The following LRBA variants were observed in gnomAD, a reference collection of about 807,000 sequenced individuals.
LRBA encodes the protein lipopolysaccharide-responsive and beige-like anchor protein.
LRBA carries 176 observed loss-of-function variants against 330.0 expected under a neutral mutation model. The ratio of observed to expected loss-of-function variants is 0.53; its 90% CI spans 0.47 to 0.60. LRBA has a LOEUF of 0.60. LRBA is among the 20% of genes least tolerant of loss of function. The pLI, the probability that LRBA is intolerant of heterozygous loss-of-function variation, is 0.00. For missense variants in LRBA, 3,259 were observed against 3,444.8 expected, an observed-to-expected ratio of 0.95 and a Z score of 1.35; for synonymous variants, 1,230 against 1,193.0, an observed-to-expected ratio of 1.03 and a Z score of -0.64.
At chr4:150,873,140 A>G (rs1753626998) in intron 17 of LRBA, among the ~76,000 whole-genome samples, 1 of 152,208 alleles carries the variant, frequency 6.6e-6, no homozygotes, top group Admixed American at 6.5e-5. Context: ...TAAATTTCTA[A>G]ATAATTGTCG....
At chr4:150,561,895 A>C (rs1002237276) in intron 40 of LRBA, among the ~76,000 whole-genome samples, 4 of 152,176 alleles carry the variant, frequency 2.6e-5, no homozygotes, top group African/African-American at 7.2e-5. Flanking sequence ...ACCAATCCCT[A>C]CCTCCAAGCA....
intron 31 of LRBA, 142 bp downstream of exon 31, chr4:150,816,982 C>G (rs1049489296): frequency 3.0e-6 from 2 of 661,868 alleles, no homozygotes; most frequent in Middle Eastern, 3.6e-4. Context: ...CAAATTTATT[C>G]AGAAAAGTAG....
At chr4:150,283,908 C>T (rs562892910) in intron 54 of LRBA, among the ~76,000 whole-genome samples, 54 of 152,186 alleles carry the variant, frequency 3.5e-4, no homozygotes, top group Non-Finnish European at 7.5e-4. Context: ...ATTCAGTTCC[C>T]ACACAGACAG....
At chr4:150,439,245 C>A (rs1751511657) in intron 44 of LRBA, among the ~76,000 whole-genome samples, 1 of 152,134 alleles carries the variant, frequency 6.6e-6, no homozygotes, top group Admixed American at 6.6e-5. Flanking sequence ...TTTTATTACT[C>A]TCCAAATGAG....
In LRBA at chr4:150,915,645, G is replaced by C. The variant is rs1732499056; in HGVS notation, c.977C>G (p.Ser326Cys). 1.2e-6 allele frequency: 2 copies of C among 1,612,730 alleles called. No homozygotes were observed. Among genetic ancestry groups the C allele is most frequent in the African/African-American group, 2.7e-5 (2 of 74,838 alleles). ...GACAAACCATGTTATCTCTCCATAG[G>C]AAGCCAGCTCACCATTCACATAACA... The part of the protein sequence containing the change: ...LRCYVNGELA[S>C]YGEITWFVNT... Residue 326 changes from serine to cysteine, a missense_variant, in exon 8 of 57, where the codon TCC becomes TGC. Coordinates refer to ENST00000651943, the MANE Select transcript of LRBA (RefSeq NM_001364905.1).
At chr4:150,946,399 T>C (rs1340421375) in intron 2 of LRBA, among the ~76,000 whole-genome samples, 2 of 152,138 alleles carry the variant, frequency 1.3e-5, no homozygotes, top group Non-Finnish European at 2.9e-5. Flanking sequence ...TTTAAAGATA[T>C]TGAAAGTATA....
chr4:150,577,008 A>G (rs1770631364), intron 40 of LRBA, among the ~76,000 whole-genome samples: 1 of 151,926 alleles, frequency 6.6e-6, no homozygotes, highest in African/African-American at 2.4e-5. Flanking sequence ...TTGACCATAT[A>G]AAATTATTAA....
intron 35 of LRBA, among the ~76,000 whole-genome samples, chr4:150,745,692 C>G (rs1582221163): frequency 6.6e-6 from 1 of 151,884 alleles, no homozygotes; most frequent in Non-Finnish European, 1.5e-5. Flanking sequence ...ATTTTTGTAT[C>G]TTTAGTAGAG....
At chr4:150,624,336 A>C (rs1776629534) in intron 37 of LRBA, among the ~76,000 whole-genome samples, 1 of 151,082 alleles carries the variant, frequency 6.6e-6, no homozygotes, top group South Asian at 2.1e-4. Flanking sequence ...ATTGAAACCC[A>C]GGCTGGGCAA....
chr4:150,401,051 T>G (rs562576193), intron 47 of LRBA, among the ~76,000 whole-genome samples: 1 of 152,192 alleles, frequency 6.6e-6, no homozygotes, highest in African/African-American at 2.4e-5. Flanking sequence ...CCAATATGAC[T>G]GGTGTCTTTA....
chr4:150,521,904 T>C (rs1479118849), intron 40 of LRBA, among the ~76,000 whole-genome samples: 1 of 152,184 alleles, frequency 6.6e-6, no homozygotes, highest in Non-Finnish European at 1.5e-5. Flanking sequence ...ATACCTATTG[T>C]TCTATCAGTT....
At chr4:150,919,532 T>C (rs559487182) in intron 5 of LRBA, among the ~76,000 whole-genome samples, 27 of 152,248 alleles carry the variant, frequency 1.8e-4, no homozygotes, top group African/African-American at 5.3e-4. Context: ...AATAACACTA[T>C]TGAGACTTCA....
intron 37 of LRBA, among the ~76,000 whole-genome samples, chr4:150,677,128 C>A (rs960681362): frequency 3.3e-5 from 5 of 151,952 alleles, no homozygotes; most frequent in African/African-American, 1.2e-4. Flanking sequence ...GTTTACCTGA[C>A]CCCCCAACCC....
chr4:150,777,066 T>TTGTTGTTG (rs1553959732), intron 34 of LRBA, among the ~76,000 whole-genome samples: 69 of 134,366 alleles, frequency 5.1e-4, no homozygotes, highest in Non-Finnish European at 8.3e-4. Context: ...TTTGAGGGGT[T>TTGTTGTTG]TTGTTGTTGT....
intron 44 of LRBA, among the ~76,000 whole-genome samples, chr4:150,454,617 G>A (rs1753812454): frequency 6.6e-6 from 1 of 151,574 alleles, no homozygotes; most frequent in African/African-American, 2.4e-5. Flanking sequence ...GCTTTAGGGG[G>A]TACAAGTAGC....
At chr4:150,328,138 TA>T (rs201476663) in intron 48 of LRBA, among the ~76,000 whole-genome samples, 4 of 151,470 alleles carry the variant, frequency 2.6e-5, no homozygotes, top group Non-Finnish European at 5.9e-5. Context: ...TTCCTTTTCT[TA>T]AAAAAAAACT....
intron 5 of LRBA, among the ~76,000 whole-genome samples, chr4:150,920,291 G>C (rs1051913315): frequency 6.6e-6 from 1 of 152,194 alleles, no homozygotes; most frequent in East Asian, 1.9e-4. Flanking sequence ...ACTCATGCCT[G>C]TAATCCCAGC....
At chr4:150,951,980 C>T (rs1736883079) in intron 2 of LRBA, among the ~76,000 whole-genome samples, 1 of 152,138 alleles carries the variant, frequency 6.6e-6, no homozygotes, top group South Asian at 2.1e-4. Flanking sequence ...AAATTAAAGT[C>T]TAATAAGTTC....
At chr4:150,269,578 C>A (rs1227514586) in intron 56 of LRBA, among the ~76,000 whole-genome samples, 1 of 152,120 alleles carries the variant, frequency 6.6e-6, no homozygotes, top group Non-Finnish European at 1.5e-5. Context: ...GCAGTGGCTT[C>A]TTGGATATGA....
Sources: allele counts gnomAD v4.1 joint callset (sites outside exome capture counted in the v4.1 genomes callset), GRCh38; gene constraint gnomAD v4.1.1; transcripts MANE v1.5; gene names NCBI Gene and HGNC (gene_info 2026-07-23, HGNC 2026-07-21).